MROH1: variants seen among roughly 807,000 people sequenced by gnomAD.
MROH1 encodes the protein maestro heat-like repeat-containing protein family member 1.
A neutral mutation model predicts 116.5 loss-of-function variants in MROH1; 117 were observed. The observed-to-expected ratio is 1.00, with a 90% CI of 0.86 to 1.17. The LOEUF is 1.17. MROH1 is among the 50% of genes most tolerant of loss of function. MROH1 has a pLI of 0.00. For synonymous variants in MROH1, 921 were observed against 583.9 expected, an observed-to-expected ratio of 1.58 and a Z score of -8.32; for missense variants, 1,873 against 1,338.5, an observed-to-expected ratio of 1.40 and a Z score of -6.23.
chr8:144,255,428 G>C (rs1308484154), intron 34 of MROH1, 81 bp from the exon 35 acceptor site: 2 of 731,000 alleles, frequency 2.7e-6, no homozygotes, highest in Admixed American at 3.8e-5. Context: ...AGGCGAAGGG[G>C]GATGCAGTCT....
chr8:144,232,555 G>T (rs1490358855), intron 14 of MROH1, among the ~76,000 whole-genome samples: 1 of 151,466 alleles, frequency 6.6e-6, no homozygotes, highest in South Asian at 2.1e-4. Flanking sequence ...GTGCAGTGGC[G>T]CAATCTCAGC....
At chr8:144,151,693 T>G (rs1816836428) in intron 1 of MROH1, among the ~76,000 whole-genome samples, 1 of 152,234 alleles carries the variant, frequency 6.6e-6, no homozygotes, top group Non-Finnish European at 1.5e-5. Context: ...AAGCTGCCTA[T>G]AGACGGCAAA....
At chr8:144,170,406 G>C (rs1202833986) in intron 4 of MROH1, among the ~76,000 whole-genome samples, 5 of 152,156 alleles carry the variant, frequency 3.3e-5, no homozygotes, top group Non-Finnish European at 7.3e-5. Flanking sequence ...TGTGGGCTGT[G>C]ACCCTTCCCA....
chr8:144,258,678 C>T, intron 35 of MROH1, 99 bp from the exon 36 acceptor site: 1 of 698,064 alleles, frequency 1.4e-6, no homozygotes, highest in Non-Finnish European at 2.6e-6. Context: ...GGCTAGCCAC[C>T]AGGTGGGCAA....
chr8:144,189,527 C>T (rs1828027115), intron 7 of MROH1, among the ~76,000 whole-genome samples: 1 of 152,334 alleles, frequency 6.6e-6, no homozygotes, highest in South Asian at 2.1e-4. Context: ...CCATACCACT[C>T]GAAGCCTGGG....
At chr8:144,231,927 CG>C in intron 14 of MROH1, among the ~76,000 whole-genome samples, 1 of 152,172 alleles carries the variant, frequency 6.6e-6, no homozygotes, top group East Asian at 1.9e-4. Context: ...TACATATACT[CG>C]GGGTACCTGT....
At chr8:144,219,951 T>G (rs1297579926) in intron 12 of MROH1, among the ~76,000 whole-genome samples, 1 of 152,190 alleles carries the variant, frequency 6.6e-6, no homozygotes, top group African/African-American at 2.4e-5. Flanking sequence ...TCTGTGACAT[T>G]GGGTTGTCGT....
chr8:144,174,727 C>T (rs1823396938), intron 4 of MROH1: 1 of 498,640 alleles, frequency 2.0e-6, no homozygotes, highest in African/African-American at 2.1e-5. Context: ...AAGTGATCCT[C>T]CCACCTTGGC....
chr8:144,170,333 A>G (rs959956826), intron 4 of MROH1, among the ~76,000 whole-genome samples: 6 of 152,204 alleles, frequency 3.9e-5, no homozygotes, highest in African/African-American at 1.2e-4. Context: ...AATTTTTAAA[A>G]AGTCTGCCTT....
chr8:144,188,045 G>A (rs149250524), intron 7 of MROH1, among the ~76,000 whole-genome samples: 14 of 152,332 alleles, frequency 9.2e-5, no homozygotes, highest in African/African-American at 2.4e-4. Flanking sequence ...GCCAGGGACC[G>A]GCGAGCCTCG....
At chr8:144,181,776 A>G (rs1017038532) in intron 7 of MROH1, among the ~76,000 whole-genome samples, 2 of 152,094 alleles carry the variant, frequency 1.3e-5, no homozygotes, top group African/African-American at 4.8e-5. Flanking sequence ...TCCAGGCTGC[A>G]GGGCGGAGAC....
intron 31 of MROH1, among the ~76,000 whole-genome samples, 167 bp downstream of exon 31, chr8:144,247,846 G>A (rs1377953265): frequency 1.2e-4 from 18 of 152,378 alleles, no homozygotes; most frequent in East Asian, 1.9e-4. Flanking sequence ...GCTGCCCTGC[G>A]CTGGCCCCAT....
intron 2 of MROH1, among the ~76,000 whole-genome samples, chr8:144,162,304 C>G (rs1819737155): frequency 6.6e-6 from 1 of 151,754 alleles, no homozygotes; most frequent in Non-Finnish European, 1.5e-5. Flanking sequence ...CCAGGCTGGT[C>G]TTGAAATCCT....
intron 24 of MROH1, among the ~76,000 whole-genome samples, chr8:144,242,845 C>T (rs1025281362): frequency 2.0e-5 from 3 of 152,170 alleles, no homozygotes; most frequent in South Asian, 2.1e-4. Flanking sequence ...TCTGCGCCTC[C>T]GAGGGGCCGG....
chr8:144,202,853 CG>C (rs1158948503), intron 12 of MROH1, among the ~76,000 whole-genome samples: 2 of 634 alleles, frequency 3.2e-3, no homozygotes, highest in African/African-American at 0.026. Context: ...TGTGGAGGGG[CG>C]GGGGGGGGAG....
intron 22 of MROH1, among the ~76,000 whole-genome samples, chr8:144,241,776 G>C (rs956015014): frequency 6.6e-6 from 1 of 152,218 alleles, no homozygotes; most frequent in African/African-American, 2.4e-5. Flanking sequence ...AGGGGTTCGC[G>C]GCTGGGGCAG....
intron 14 of MROH1, among the ~76,000 whole-genome samples, chr8:144,234,505 T>TG (rs1839655759): frequency 1.8e-5 from 1 of 55,210 alleles, no homozygotes; most frequent in Non-Finnish European, 3.3e-5. Flanking sequence ...TTCGTTTTTT[T>TG]TTTTTTTTTT....
At chr8:144,240,252 T>C in intron 19 of MROH1, 99 bp downstream of exon 19, 1 of 647,406 alleles carries the variant, frequency 1.5e-6, no homozygotes, top group Non-Finnish European at 2.8e-6. Context: ...CGACCTCACC[T>C]CGTGGTTTGG....
intron 22 of MROH1, chr8:144,242,096 C>T (rs1841103104): frequency 1.8e-6 from 1 of 564,156 alleles, no homozygotes; most frequent in Non-Finnish European, 3.2e-6. Flanking sequence ...TGCCTTGACC[C>T]TCGGCCCTCT....
Sources: allele counts gnomAD v4.1 joint callset (sites outside exome capture counted in the v4.1 genomes callset), GRCh38; gene constraint gnomAD v4.1.1; transcripts MANE v1.5; gene names NCBI Gene and HGNC (gene_info 2026-07-23, HGNC 2026-07-21).